The following RXFP1 variants were observed in gnomAD, a reference collection of about 807,000 sequenced individuals.
RXFP1 encodes the protein relaxin family peptide receptor 1.
In RXFP1, 73 loss-of-function variants were observed where a neutral mutation model predicts 89.8. That is an observed-to-expected ratio of 0.81 (90% CI 0.67 to 0.99). RXFP1 has a LOEUF of 0.99. Ranked by LOEUF, RXFP1 falls within the 50% of genes least tolerant of loss-of-function variation. The pLI, the probability that RXFP1 is intolerant of heterozygous loss-of-function variation, is 0.00. For missense variants in RXFP1, 793 were observed against 895.5 expected (o/e 0.89, Z 1.46); for synonymous variants, 277 against 305.5 (o/e 0.91, Z 0.97).
intron 12 of RXFP1, among the ~76,000 whole-genome samples, chr4:158,637,739 T>A (rs1294574138): frequency 1.3e-5 from 2 of 152,196 alleles, no homozygotes; most frequent in Non-Finnish European, 2.9e-5. Context: ...TTTAGTTTTA[T>A]GTAATCCCAT....
At position 158,574,244 on chromosome 4, in the gene RXFP1, A is replaced by C. The variant is rs529731316; in HGVS notation, c.187+1409A>C. Among the ~76,000 whole-genome samples the C allele has an allele frequency of 1.2e-4, 19 of 152,352 alleles. No homozygotes were observed. The South Asian group carries it at 3.9e-3, about 32-fold the overall frequency. Reference sequence around the variant, plus strand: ...AAGATGCATAACAATGCTATTATGCAAAGTGTCACATAAATAATATATGCT... The same window carrying C: ...AAGATGCATAACAATGCTATTATGCCAAGTGTCACATAAATAATATATGCT... On this transcript the variant is annotated intron_variant, in intron 2 of 17. Coordinates refer to ENST00000307765, the MANE Select transcript of RXFP1 (RefSeq NM_021634.4).
intron 1 of RXFP1, among the ~76,000 whole-genome samples, chr4:158,556,755 A>G (rs1751396155): frequency 1.3e-5 from 2 of 152,232 alleles, no homozygotes; most frequent in African/African-American, 4.8e-5. Flanking sequence ...GCCATAAAAA[A>G]GAATTAAATC....
Position 158,575,621 on chromosome 4 carries a change from G to C in RXFP1, c.187+2786G>C, listed in dbSNP as rs914905246. Among the ~76,000 whole-genome samples the C allele has an allele frequency of 7.2e-5, 11 of 152,130 alleles. No individual in the cohort carries two copies. The East Asian group carries it at 2.1e-3, about 29-fold the overall frequency. On this transcript the variant is annotated intron_variant, in intron 2 of 17. Transcript: ENST00000307765. ...TTGCTTCATCTCTCCACCATGTAAG[G>C]AAACAGCAAGAATACTGCTGTCTGT...
At chr4:158,619,954 A>C (rs2150157552) in intron 9 of RXFP1, among the ~76,000 whole-genome samples, 1 of 152,368 alleles carries the variant, frequency 6.6e-6, no homozygotes, top group East Asian at 1.9e-4. Context: ...AAGCTGAGAC[A>C]GCCCCATCCC....
intron 3 of RXFP1, among the ~76,000 whole-genome samples, 191 bp downstream of exon 3, chr4:158,593,690 C>G (rs185583517): frequency 6.6e-5 from 10 of 152,130 alleles, no homozygotes; most frequent in Admixed American, 5.9e-4. Flanking sequence ...ACAACTTTAA[C>G]TAGGAAAATT....
chr4:158,615,411 CTA>C (rs1764357297), intron 8 of RXFP1, among the ~76,000 whole-genome samples: 1 of 152,072 alleles, frequency 6.6e-6, no homozygotes, highest in Non-Finnish European at 1.5e-5. Flanking sequence ...TGGCACATGC[CTA>C]TATCCCCAGG....
At chr4:158,529,249 TG>T (rs1560947500) in intron 1 of RXFP1, among the ~76,000 whole-genome samples, 8 of 99,410 alleles carry the variant, frequency 8.0e-5, no homozygotes, top group Non-Finnish European at 1.2e-4. Context: ...TGTTTTTTGT[TG>T]TTGTTGTTGT....
chr4:158,552,374 T>C (rs1750341955), intron 1 of RXFP1, among the ~76,000 whole-genome samples: 1 of 152,218 alleles, frequency 6.6e-6, no homozygotes, highest in Non-Finnish European at 1.5e-5. Context: ...TCAGCCACTT[T>C]ATGTGTTGGG....
rs1760288896 is a variant in RXFP1, at chr4:158,595,184, T to A, written c.286+1685T>A. Among the ~76,000 whole-genome samples, 5 of 152,214 alleles carry A rather than the reference T, an allele frequency of 3.3e-5. No homozygotes were observed. The South Asian group carries it at 1.0e-3, about 32-fold the overall frequency. ...AATGCTAATTATTCAATTCTCTTAC[T>A]CATCATCACGTTTTCTATTCTCTCC... On this transcript the variant is annotated intron_variant, in intron 3 of 17. Transcript: ENST00000307765.
At chr4:158,532,085 CT>C (rs1215656715) in intron 1 of RXFP1, among the ~76,000 whole-genome samples, 3 of 152,130 alleles carry the variant, frequency 2.0e-5, no homozygotes, top group Non-Finnish European at 4.4e-5. Context: ...TTTTCCCCCC[CT>C]CCTCCCCTTT....
chr4:158,617,184 A>C lies in RXFP1; in HGVS notation c.734A>C (p.His245Pro). 6.2e-7 allele frequency: 1 copy of C among 1,610,766 alleles called. No homozygotes were observed. The highest frequency in any genetic ancestry group is 8.5e-7 in the Non-Finnish European group (1 of 1,178,142). ...TTACCTGATAAACCTCTCTGTCAAC[A>C]CATGCCAAGACTACATTGGCTGTAA... ...TRLPDKPLCQ[H>P]MPRLHWLDLE... is the part of the protein sequence containing the mutation. Residue 245 changes from histidine (H) to proline (P), a missense_variant, in exon 9 of 18, where the codon CAC (histidine) becomes CCC (proline). Coordinates refer to ENST00000307765, the MANE Select transcript of RXFP1 (RefSeq NM_021634.4).
intron 8 of RXFP1, among the ~76,000 whole-genome samples, chr4:158,616,790 A>G (rs1385814136): frequency 4.0e-5 from 6 of 151,384 alleles, no homozygotes; most frequent in African/African-American, 1.5e-4. Flanking sequence ...TTTGAGGTCA[A>G]GAGTTTGAGA....
chr4:158,578,992 A>T (rs1756805063), intron 2 of RXFP1, among the ~76,000 whole-genome samples: 1 of 146,370 alleles, frequency 6.8e-6, no homozygotes, highest in South Asian at 2.3e-4. Flanking sequence ...AAAGAGTGAC[A>T]TCATACTAGA....
At chr4:158,586,621 G>T (rs1758351084) in intron 2 of RXFP1, among the ~76,000 whole-genome samples, 1 of 152,140 alleles carries the variant, frequency 6.6e-6, no homozygotes, top group Admixed American at 6.5e-5. Context: ...TATACCAAAA[G>T]CTGTTTTCTT....
At chr4:158,554,729 A>AT (rs1750898166) in intron 1 of RXFP1, among the ~76,000 whole-genome samples, 1 of 152,110 alleles carries the variant, frequency 6.6e-6, no homozygotes, top group Non-Finnish European at 1.5e-5. Context: ...AAAAAAAAAA[A>AT]ATAGGTGTAT....
chr4:158,610,324 G>T (rs1438655502), intron 6 of RXFP1, among the ~76,000 whole-genome samples: 1 of 152,076 alleles, frequency 6.6e-6, no homozygotes, highest in Admixed American at 6.5e-5. Flanking sequence ...ACAATGATTA[G>T]ATCCATAAGT....
At chr4:158,599,189 C>T in intron 3 of RXFP1, 137 bp from the exon 4 acceptor site, 5 of 1,371,012 alleles carry the variant, frequency 3.6e-6, no homozygotes, top group Non-Finnish European at 4.9e-6. Flanking sequence ...TAAAGCATTG[C>T]CTAAATTGCC....
At chr4:158,643,535 A>G (rs1473194105) in intron 14 of RXFP1, among the ~76,000 whole-genome samples, 1 of 142,886 alleles carries the variant, frequency 7.0e-6, no homozygotes, top group Non-Finnish European at 1.5e-5. Context: ...CAGTGGTGCA[A>G]TCTCGGCTCA....
At chr4:158,561,583 A>G (rs564258136) in intron 1 of RXFP1, among the ~76,000 whole-genome samples, 1 of 150,330 alleles carries the variant, frequency 6.7e-6, no homozygotes, top group South Asian at 2.1e-4. Context: ...GTTTCCAAGC[A>G]TTTTGAATAA....
Sources: gnomAD v4.1 joint callset for allele counts (sites outside exome capture counted in the v4.1 genomes callset) on GRCh38, gnomAD v4.1.1 for gene constraint, MANE v1.5 for transcripts, NCBI Gene and HGNC (gene_info 2026-07-23, HGNC 2026-07-21) for gene names.